The following OR52E4 variants were observed in gnomAD, a reference collection of about 807,000 sequenced individuals.
OR52E4 encodes the protein olfactory receptor family 52 subfamily E member 4.
For synonymous variants in OR52E4, 169 were observed against 137.4 expected, an observed-to-expected ratio of 1.23 and a Z score of -1.61; for missense variants, 444 against 383.8, an observed-to-expected ratio of 1.16 and a Z score of -1.31.
In OR52E4 at chr11:5,886,506, T is replaced by C. The variant is rs779428444; in HGVS notation, c.*1275T>C. 6.6e-6 allele frequency: 1 copy of C among 152,174 alleles called. No homozygotes were observed. Among genetic ancestry groups the C allele is most frequent in the East Asian group, 1.9e-4 (1 of 5,168 alleles). 9.4% of individuals were successfully genotyped at this position (152,174 alleles called of 1,614,324 possible). A position where few individuals can be genotyped will look rare whatever the true frequency, so the allele number is the denominator to read the frequency against. On this transcript the variant is annotated 3_prime_UTR_variant, in exon 2 of 2. Transcript: ENST00000641726. ...ACTTTATAAAACTTAGAAAAACAAT[T>C]AGGCTCAAGCTATGGTAAGCACAGG...
At position 5,884,831 on chromosome 11, in the gene OR52E4, A is replaced by G. The variant is rs1409971693; in HGVS notation, c.539A>G (p.Tyr180Cys). 2 of 1,613,304 alleles carry G rather than the reference A, an allele frequency of 1.2e-6. No homozygotes were observed. The highest frequency in any genetic ancestry group is 1.7e-6 in the Non-Finnish European group (2 of 1,179,622). Residue 180 changes from tyrosine (Y) to cysteine (C), a missense_variant, in exon 2 of 2, where the codon TAC (tyrosine) becomes TGC (cysteine). Physicochemically the swap from Tyr to Cys is radical, Grantham distance 194 (BLOSUM62 -2). Coordinates refer to ENST00000641726, the MANE Select transcript of OR52E4 (RefSeq NM_001005165.2). ...GGGCATAACATCGTACCTCACACAT[A>G]CTGTGAGCACAGGGGTCTGGCCGGG... ...FCGHNIVPHT[Y>C]CEHRGLAGLA...
Position 5,884,410 on chromosome 11 carries a change from G to T in OR52E4, c.118G>T (p.Ala40Ser). ...CCCATTCTGTATTGTGTACCTGATT[G>T]CCATTGTGGGGAATATGACCATTCT... ...SFPFCIVYLI[A>S]IVGNMTILFV... Residue 40 changes from alanine to serine, a missense_variant, in exon 2 of 2, where the codon GCC (alanine) becomes TCC (serine). Ala to Ser is a moderately conservative substitution (Grantham distance 99). Transcript: ENST00000641726. 6.2e-7 allele frequency: 1 copy of T among 1,613,250 alleles called. No homozygotes were observed. Among genetic ancestry groups the T allele is most frequent in the Non-Finnish European group, 8.5e-7 (1 of 1,179,416 alleles).
chr11:5,883,884 A>C (rs1442873658), intron 1 of OR52E4, among the ~76,000 whole-genome samples: 1 of 152,090 alleles, frequency 6.6e-6, no homozygotes, highest in Non-Finnish European at 1.5e-5. Flanking sequence ...GGTACTTAGA[A>C]AACCCCAGAG....
At position 5,884,563 on chromosome 11, in the gene OR52E4, C is replaced by T. The variant is rs2134276761; in HGVS notation, c.271C>T (p.Leu91Phe). 1.2e-6 allele frequency: 2 copies of T among 1,613,472 alleles called. No homozygotes were observed. The highest frequency in any genetic ancestry group is 4.5e-5 in the East Asian group (2 of 44,840). Residue 91 changes from leucine (L) to phenylalanine (F), a missense_variant, in exon 2 of 2, where the codon CTC becomes TTC. Transcript: ENST00000641726. ...PKMLGIFWFN[L>F]QEISFGGCLL... ...AATGCTAGGAATCTTCTGGTTCAAC[C>T]TCCAAGAGATCAGCTTTGGGGGATG...
Position 5,884,579 on chromosome 11 carries a change from T to C in OR52E4, c.287T>C (p.Phe96Ser). 6.2e-7 allele frequency: 1 copy of C among 1,613,484 alleles called. No homozygotes were observed. Among genetic ancestry groups the C allele is most frequent in the Non-Finnish European group, 8.5e-7 (1 of 1,179,700 alleles). ...IFWFNLQEIS[F>S]GGCLLQMFFI... ...TGGTTCAACCTCCAAGAGATCAGCT[T>C]TGGGGGATGCCTTCTTCAGATGTTC... is the stretch of plus-strand genomic sequence containing the variant. Residue 96 changes from phenylalanine (F) to serine (S), a missense_variant, in exon 2 of 2, where the codon TTT becomes TCT. Transcript: ENST00000641726.
chr11:5,886,268 AT>A lies in OR52E4; in HGVS notation c.*1038del, dbSNP rs1847042782. 1 of 151,940 alleles carries A rather than the reference AT, an allele frequency of 6.6e-6. No homozygotes were observed. Among genetic ancestry groups the A allele is most frequent in the Non-Finnish European group, 1.5e-5 (1 of 67,956 alleles). 9.4% of individuals were successfully genotyped at this position (151,940 alleles called of 1,614,324 possible). On this transcript the variant is annotated 3_prime_UTR_variant, in exon 2 of 2. Coordinates refer to ENST00000641726, the MANE Select transcript of OR52E4 (RefSeq NM_001005165.2). ...CAGTCCCTCTAGAGAACACTGACTA[AT>A]ACACTTTTCTTTTACATTCGTTCTC...
At chr11:5,881,745 C>G (rs1031967778) in intron 1 of OR52E4, among the ~76,000 whole-genome samples, 1 of 151,974 alleles carries the variant, frequency 6.6e-6, no homozygotes, top group South Asian at 2.1e-4. Flanking sequence ...TATGCACTAG[C>G]ACCTATACAA....
At chr11:5,881,108 GTTTA>G (rs1483080451) in intron 1 of OR52E4, among the ~76,000 whole-genome samples, 2 of 152,244 alleles carry the variant, frequency 1.3e-5, no homozygotes, top group East Asian at 3.9e-4. Flanking sequence ...TTTTGTATGT[GTTTA>G]TTTAAGGTGG....
intron 1 of OR52E4, among the ~76,000 whole-genome samples, chr11:5,883,620 T>G (rs1285031450): frequency 2.0e-5 from 3 of 151,918 alleles, no homozygotes; most frequent in African/African-American, 4.8e-5. Context: ...TGGTACTTTT[T>G]GTTAAAATCA....
At chr11:5,882,160 G>A (rs919993383) in intron 1 of OR52E4, among the ~76,000 whole-genome samples, 3 of 152,016 alleles carry the variant, frequency 2.0e-5, no homozygotes, top group Non-Finnish European at 2.9e-5. Context: ...GAGGTTATTG[G>A]CCATACACTG....
At position 5,884,413 on chromosome 11, in the gene OR52E4, A is replaced by G; in HGVS notation, c.121A>G (p.Ile41Val). 2 of 1,613,384 alleles carry G rather than the reference A, an allele frequency of 1.2e-6. No individual in the cohort carries two copies. Among genetic ancestry groups the G allele is most frequent in the Non-Finnish European group, 1.7e-6 (2 of 1,179,546 alleles). Residue 41 changes from isoleucine to valine, a missense_variant, in exon 2 of 2, where the codon ATT (isoleucine) becomes GTT (valine). Physicochemically the swap from Ile to Val is conservative, Grantham distance 29 (BLOSUM62 3). Coordinates refer to ENST00000641726, the MANE Select transcript of OR52E4 (RefSeq NM_001005165.2). Reference protein sequence around the residue: ...FPFCIVYLIAIVGNMTILFVI... With the variant: ...FPFCIVYLIAVVGNMTILFVI... ...ATTCTGTATTGTGTACCTGATTGCC[A>G]TTGTGGGGAATATGACCATTCTCTT...
In OR52E4 at chr11:5,884,810, A is replaced by G. The variant is rs772152369; in HGVS notation, c.518A>G (p.His173Arg). 2 of 1,613,434 alleles carry G rather than the reference A, an allele frequency of 1.2e-6. No homozygotes were observed. The highest frequency in any genetic ancestry group is 1.6e-4 in the Middle Eastern group (1 of 6,076). ...ATTCTGCGTCTGCCATTCTGTGGGC[A>G]TAACATCGTACCTCACACATACTGT... ...FLILRLPFCG[H>R]NIVPHTYCEH... The change falls in exon 2 of 2, where the codon CAT becomes CGT. Residue 173 changes from histidine to arginine, a missense_variant. Coordinates refer to ENST00000641726, the MANE Select transcript of OR52E4 (RefSeq NM_001005165.2).
In OR52E4 at chr11:5,885,793, G is replaced by A. The variant is rs1225831567; in HGVS notation, c.*562G>A. On this transcript the variant is annotated 3_prime_UTR_variant, in exon 2 of 2. Coordinates refer to ENST00000641726, the MANE Select transcript of OR52E4 (RefSeq NM_001005165.2). ...AGATTCCTGCTCTCTCTCTTTTTGT[G>A]ATGGTTAATACTGAGTGTCAACTTT... The A allele has an allele frequency of 6.6e-6, 1 of 152,136 alleles. No individual in the cohort carries two copies. Among genetic ancestry groups the A allele is most frequent in the Non-Finnish European group, 1.5e-5 (1 of 68,230 alleles). The allele number at this position is 152,136 out of a possible 1,614,324, so 9.4% of individuals were successfully genotyped here.
chr11:5,884,952 G>A lies in OR52E4; in HGVS notation c.660G>A (p.Val220=). The part of the protein sequence containing the change: ...VDVILIASSY[V]LILRAVFRLP... Reference sequence around the variant, plus strand: ...TGATCTTAATTGCCTCTTCCTATGTGCTTATCCTTAGAGCTGTTTTTCGCC... The same window carrying A: ...TGATCTTAATTGCCTCTTCCTATGTACTTATCCTTAGAGCTGTTTTTCGCC... Residue 220 remains valine, a synonymous_variant, in exon 2 of 2, where the codon GTG becomes GTA. Coordinates refer to ENST00000641726, the MANE Select transcript of OR52E4 (RefSeq NM_001005165.2). 6.2e-7 allele frequency: 1 copy of A among 1,612,822 alleles called. No individual in the cohort carries two copies. The highest frequency in any genetic ancestry group is 8.5e-7 in the Non-Finnish European group (1 of 1,179,062).
intron 1 of OR52E4, among the ~76,000 whole-genome samples, chr11:5,883,224 T>C (rs1846987745): frequency 6.6e-6 from 1 of 151,942 alleles, no homozygotes; most frequent in Admixed American, 6.6e-5. Flanking sequence ...TATCAGGGAA[T>C]CAGAATGACA....
chr11:5,883,030 G>T (rs1308546226), intron 1 of OR52E4, among the ~76,000 whole-genome samples: 1 of 151,992 alleles, frequency 6.6e-6, no homozygotes. Flanking sequence ...AGGAATCAAT[G>T]AAGAGTCCTT....
intron 1 of OR52E4, among the ~76,000 whole-genome samples, chr11:5,881,588 G>A (rs117038988): frequency 1.8e-4 from 27 of 152,082 alleles, no homozygotes; most frequent in South Asian, 8.3e-4. Context: ...CTAATCTTAG[G>A]CCAAACTGTG....
chr11:5,885,004 G>A lies in OR52E4; in HGVS notation c.712G>A (p.Ala238Thr). 8 of 1,613,098 alleles carry A rather than the reference G, an allele frequency of 5.0e-6. No homozygotes were observed. Among genetic ancestry groups the A allele is most frequent in the Non-Finnish European group, 6.8e-6 (8 of 1,179,416 alleles). ...TCCCTCTCAAGATGTCCGACTAAAG[G>A]CCTTCAATACCTGTGGTTCTCATGT... ...RLPSQDVRLK[A>T]FNTCGSHVCV... The change falls in exon 2 of 2, where the codon GCC becomes ACC. Residue 238 changes from alanine to threonine, a missense_variant. Physicochemically the swap from Ala to Thr is moderately conservative, Grantham distance 58. Transcript: ENST00000641726.
At chr11:5,882,343 C>A (rs1846974641) in intron 1 of OR52E4, among the ~76,000 whole-genome samples, 1 of 152,022 alleles carries the variant, frequency 6.6e-6, no homozygotes, top group Non-Finnish European at 1.5e-5. Context: ...GACACAGCCA[C>A]CCTTAAGATT....
Sources: gnomAD v4.1 joint callset for allele counts (sites outside exome capture counted in the v4.1 genomes callset) on GRCh38, gnomAD v4.1.1 for gene constraint, MANE v1.5 for transcripts, NCBI Gene and HGNC (gene_info 2026-07-23, HGNC 2026-07-21) for gene names.